Variants in KIF26B observed in about 807,000 individuals in gnomAD.
The protein encoded by KIF26B is kinesin-like protein KIF26B.
In KIF26B, 63 loss-of-function variants were observed where a neutral mutation model predicts 151.2. The ratio of observed to expected loss-of-function variants is 0.42; its 90% confidence interval spans 0.34 to 0.51. KIF26B has a LOEUF of 0.51. Among genes scored for constraint, KIF26B ranks in the 20% least tolerant of loss-of-function variants. The pLI is 0.07. For synonymous variants in KIF26B, 1,357 were observed against 1,262.1 expected, an observed-to-expected ratio of 1.08 and a Z score of -1.59; for missense variants, 2,813 against 2,913.6, an observed-to-expected ratio of 0.97 and a Z score of 0.79.
chr1:245,415,934 G>A (rs1426453724), intron 3 of KIF26B, among the ~76,000 whole-genome samples: 2 of 151,948 alleles, frequency 1.3e-5, no homozygotes, highest in African/African-American at 4.8e-5. Flanking sequence ...TCCTTTGACA[G>A]TGATGAGGAT....
chr1:245,401,150 T>C (rs1069242), intron 3 of KIF26B, among the ~76,000 whole-genome samples: 6 of 152,040 alleles, frequency 3.9e-5, no homozygotes, highest in African/African-American at 1.4e-4. Context: ...TTTTTTGAAA[T>C]CTTTGTAAAA....
chr1:245,261,126 C>T lies in KIF26B; in HGVS notation c.465+104443C>T, dbSNP rs551965976. Among the ~76,000 whole-genome samples, 4 of 150,792 alleles carry T rather than the reference C, an allele frequency of 2.7e-5. No homozygotes were observed. In the South Asian group the frequency reaches 8.5e-4, roughly 32 times the overall value. ...TCCTTCCTTCCTCCGTTCCTTCCTT[C>T]CTTCCTCTTTCTCTCTTTCTTTCTT... On this transcript the variant is annotated intron_variant, in intron 2 of 14. Transcript: ENST00000407071.
chr1:245,158,140 AG>A (rs1157318342), intron 2 of KIF26B, among the ~76,000 whole-genome samples: 1 of 152,198 alleles, frequency 6.6e-6, no homozygotes, highest in Non-Finnish European at 1.5e-5. Context: ...TTAAAGATCT[AG>A]TAGCTGATAT....
At chr1:245,429,901 C>T (rs1024884107) in intron 4 of KIF26B, among the ~76,000 whole-genome samples, 1 of 152,152 alleles carries the variant, frequency 6.6e-6, no homozygotes, top group African/African-American at 2.4e-5. Flanking sequence ...AAGCATGAGC[C>T]ACTGCACCCG....
Position 245,684,403 on chromosome 1 carries a change from G to A in KIF26B, c.2421+8G>A. ...AAGAAAAAGAAGACGAAGGTAAGGA[G>A]CTCGCGGGGTGGGGGGGTGGTGGAT... On this transcript the variant is annotated splice_region_variant and intron_variant, in intron 11 of 14. Coordinates refer to ENST00000407071, the MANE Select transcript of KIF26B (RefSeq NM_018012.4). The A allele has an allele frequency of 6.3e-7, 1 of 1,582,286 alleles. No individual in the cohort carries two copies. The highest frequency in any genetic ancestry group is 8.6e-7 in the Non-Finnish European group (1 of 1,161,534).
intron 5 of KIF26B, among the ~76,000 whole-genome samples, chr1:245,575,567 C>T (rs531546113): frequency 1.3e-5 from 2 of 152,166 alleles, no homozygotes; most frequent in African/African-American, 4.8e-5. Context: ...GATTTTCCTT[C>T]GATATTCCAA....
At chr1:245,200,634 C>T (rs1218630928) in intron 2 of KIF26B, among the ~76,000 whole-genome samples, 1 of 152,116 alleles carries the variant, frequency 6.6e-6, no homozygotes, top group Non-Finnish European at 1.5e-5. Flanking sequence ...CATTTTTTCT[C>T]TCTGTTTTCA....
At chr1:245,522,121 G>A (rs568551576) in intron 4 of KIF26B, among the ~76,000 whole-genome samples, 25 of 152,056 alleles carry the variant, frequency 1.6e-4, no homozygotes, top group Admixed American at 1.0e-3. Context: ...TGCCCGCCTT[G>A]GCCTCCCAAA....
intron 2 of KIF26B, among the ~76,000 whole-genome samples, chr1:245,275,495 T>A (rs1194856598): frequency 1.3e-5 from 2 of 152,172 alleles, no homozygotes; most frequent in East Asian, 3.9e-4. Flanking sequence ...CATCTTGAGA[T>A]AATTTTTGTA....
intron 5 of KIF26B, among the ~76,000 whole-genome samples, chr1:245,571,026 A>G (rs980340572): frequency 1.3e-5 from 2 of 152,200 alleles, no homozygotes; most frequent in Non-Finnish European, 2.9e-5. Flanking sequence ...TTTCTAATCC[A>G]TGTGTTCATC....
intron 2 of KIF26B, among the ~76,000 whole-genome samples, chr1:245,186,021 C>T (rs954036012): frequency 6.6e-6 from 1 of 152,044 alleles, no homozygotes; most frequent in Non-Finnish European, 1.5e-5. Context: ...ATTACAGGTG[C>T]CCGCCACCAC....
rs1363966828 is a variant in KIF26B at position 245,704,180 on chromosome 1, G to C, written c.*1574G>C. ...GCCTTCGCATCGAGGATGGTACTTA[G>C]GCGTGTGCAGAGCACGCTTCCCTTT... On this transcript the variant is annotated 3_prime_UTR_variant, in exon 15 of 15. Coordinates refer to ENST00000407071, the MANE Select transcript of KIF26B (RefSeq NM_018012.4). The C allele has an allele frequency of 6.6e-6, 1 of 152,234 alleles. No individual in the cohort carries two copies. The highest frequency in any genetic ancestry group is 1.5e-5 in the Non-Finnish European group (1 of 68,056). 9.4% of individuals were successfully genotyped at this position (152,234 alleles called of 1,614,324 possible).
chr1:245,370,913 C>CT (rs1673103770), intron 3 of KIF26B, among the ~76,000 whole-genome samples: 1 of 152,206 alleles, frequency 6.6e-6, no homozygotes. Context: ...CAGCCTTGGG[C>CT]TGGAAACCCT....
intron 2 of KIF26B, among the ~76,000 whole-genome samples, chr1:245,345,542 GAT>G (rs1397628110): frequency 6.6e-6 from 1 of 151,910 alleles, no homozygotes; most frequent in Non-Finnish European, 1.5e-5. Flanking sequence ...TGATGGTGTG[GAT>G]CTGTGTCCCT....
chr1:245,673,248 C>G (rs559842606), intron 10 of KIF26B, among the ~76,000 whole-genome samples: 1 of 142,180 alleles, frequency 7.0e-6, no homozygotes, highest in Non-Finnish European at 1.5e-5. Context: ...GAGGCCCAGT[C>G]CCCGCTGGGC....
chr1:245,350,021 C>CA (rs1672532147), intron 2 of KIF26B, among the ~76,000 whole-genome samples: 1 of 151,706 alleles, frequency 6.6e-6, no homozygotes, highest in South Asian at 2.1e-4. Flanking sequence ...ATTGGGAGTA[C>CA]AAAAAAGTGC....
chr1:245,449,365 A>G (rs1358283528), intron 4 of KIF26B, among the ~76,000 whole-genome samples: 1 of 151,978 alleles, frequency 6.6e-6, no homozygotes, highest in East Asian at 1.9e-4. Flanking sequence ...AAGGAAATGC[A>G]TTTTCCCAGT....
In KIF26B at chr1:245,269,550, C is replaced by T. The variant is rs141813604; in HGVS notation, c.466-97284C>T. Among the ~76,000 whole-genome samples the T allele has an allele frequency of 1.6e-3, 240 of 151,944 alleles. 9 individuals are homozygous for T. In the East Asian group the frequency reaches 0.044, roughly 28 times the overall value. On this transcript the variant is annotated intron_variant, in intron 2 of 14. Coordinates refer to ENST00000407071, the MANE Select transcript of KIF26B (RefSeq NM_018012.4). ...TGTGATCTTGGCTCACTACAACCTC[C>T]ACCTCCTGGGTTCAAGTGATTCTCC...
chr1:245,640,105 T>C (rs1413182488), intron 9 of KIF26B, among the ~76,000 whole-genome samples: 1 of 96,150 alleles, frequency 1.0e-5, no homozygotes, highest in African/African-American at 4.3e-5. Context: ...CTCTCCTGTT[T>C]AGATCTACTA....
Sources: gnomAD v4.1 joint callset for allele counts (sites outside exome capture counted in the v4.1 genomes callset) on GRCh38, gnomAD v4.1.1 for gene constraint, MANE v1.5 for transcripts, NCBI Gene and HGNC (gene_info 2026-07-23, HGNC 2026-07-21) for gene names.